Variants in PHF8 observed in about 807,000 individuals in gnomAD.
PHF8 encodes the protein PHD finger protein 8.
A neutral mutation model predicts 74.4 loss-of-function variants in PHF8; 9 were observed. The ratio of observed to expected loss-of-function variants is 0.12; its 90% CI spans 0.07 to 0.21. The LOEUF is 0.21. Among genes scored for constraint, PHF8 ranks in the 10% least tolerant of loss-of-function variants. The probability of loss-of-function intolerance (pLI) is 1.00; values close to 1 mark genes in which losing one functional copy is unlikely to be tolerated. For missense variants in PHF8, 478 were observed against 816.6 expected, an observed-to-expected ratio of 0.59 and a Z score of 5.05; for synonymous variants, 311 against 316.6, an observed-to-expected ratio of 0.98 and a Z score of 0.19.
At chrX:53,999,757 C>G (rs782142504) in intron 11 of PHF8, 113 bp downstream of exon 11, 1 of 515,443 alleles carries the variant, frequency 1.9e-6, no homozygotes, top group East Asian at 3.7e-5. Flanking sequence ...CCACTCTACA[C>G]CCAGGAGCCC....
At chrX:53,999,150 T>C (rs1175321051) in intron 11 of PHF8, among the ~76,000 whole-genome samples, 4 of 111,573 alleles carry the variant, frequency 3.6e-5, no homozygotes, top group African/African-American at 1.3e-4. Flanking sequence ...GGGTTTGAAA[T>C]GTATGGGTCC....
chrX:53,964,488 A>C (rs1013920857), intron 18 of PHF8, among the ~76,000 whole-genome samples: 3 of 111,866 alleles, frequency 2.7e-5, no homozygotes, highest in Non-Finnish European at 5.6e-5. Context: ...AACATGGAAG[A>C]TATTATGCTA....
At chrX:53,950,703 T>C (rs1326163726) in intron 19 of PHF8, among the ~76,000 whole-genome samples, 1 of 112,342 alleles carries the variant, frequency 8.9e-6, no homozygotes, top group Non-Finnish European at 1.9e-5. Context: ...AGTAGAGACA[T>C]CAGTGTGCAC....
chrX:54,041,388 T>TAAAAAAAAAAAAAAAAGAAAA (rs2066552122), intron 2 of PHF8, among the ~76,000 whole-genome samples: 1 of 43,524 alleles, frequency 2.3e-5, no homozygotes. Context: ...TTGTCTCAAA[T>TAAAAAAAAAAAAAAAAGAAAA]AAAAAAAAAA....
chrX:53,993,399 G>C (rs781890355), intron 13 of PHF8, among the ~76,000 whole-genome samples: 57 of 112,077 alleles, frequency 5.1e-4, no homozygotes, highest in Non-Finnish European at 9.9e-4. Context: ...TCAGCCTCTT[G>C]AGAGTCACAT....
intron 18 of PHF8, among the ~76,000 whole-genome samples, chrX:53,963,637 CTCA>C (rs1557091582): frequency 8.9e-6 from 1 of 112,136 alleles, no homozygotes; most frequent in African/African-American, 3.2e-5. Context: ...TGAAAAAATA[CTCA>C]TCATCACTGG....
chrX:53,975,032 C>G (rs782113376), intron 18 of PHF8, among the ~76,000 whole-genome samples: 22 of 111,618 alleles, frequency 2.0e-4, no homozygotes, highest in Non-Finnish European at 1.7e-4. Context: ...AACAAACCTG[C>G]ACATCCTGCA....
chrX:53,987,719 A>T, intron 15 of PHF8, 47 bp downstream of exon 15: 1 of 1,078,749 alleles, frequency 9.3e-7, no homozygotes, highest in African/African-American at 1.8e-5. Flanking sequence ...CAAAACAAAC[A>T]AACAAAAAAA....
chrX:54,047,212 G>A (rs1422272412), upstream of PHF8, among the ~76,000 whole-genome samples: 1 of 111,649 alleles, frequency 9.0e-6, no homozygotes, highest in East Asian at 2.8e-4. Context: ...AGATAATTTG[G>A]ATATTTTGGA....
chrX:54,037,596 C>T (rs2066486199), intron 2 of PHF8, among the ~76,000 whole-genome samples: 1 of 111,996 alleles, frequency 8.9e-6, no homozygotes, highest in African/African-American at 3.3e-5. Context: ...ATCACTACAG[C>T]ACCTGAAGAT....
At chrX:53,961,886 C>T (rs189759204) in intron 19 of PHF8, among the ~76,000 whole-genome samples, 3 of 111,750 alleles carry the variant, frequency 2.7e-5, no homozygotes, top group Admixed American at 1.9e-4. Context: ...TGTGACTTTG[C>T]AGTTCTCCTC....
At position 54,017,667 on chromosome X, in the gene PHF8, A is replaced by G. The variant is rs1283349759; in HGVS notation, c.448T>C (p.Tyr150His). Residue 150 changes from tyrosine to histidine, a missense_variant, in exon 5 of 22, where the codon TAT becomes CAT. Transcript: ENST00000338154. Reference protein sequence around the residue: ...PSFTVRDVEHYVGSDKEIDVI... With the variant: ...PSFTVRDVEHHVGSDKEIDVI... ...AGGGTCTGTAGTGTCTTACCAACAT[A>G]GTGTTCAACATCCCTCACAGTGAAT... 8.3e-7 allele frequency: 1 copy of G among 1,203,530 alleles called. No homozygotes were observed. The highest frequency in any genetic ancestry group is 2.2e-5 in the Admixed American group (1 of 45,726).
chrX:53,993,647 G>A lies in PHF8; in HGVS notation c.1580C>T (p.Thr527Ile), dbSNP rs1557101996. The A allele has an allele frequency of 1.3e-5, 16 of 1,209,950 alleles. No individual in the cohort carries two copies. Among genetic ancestry groups the A allele is most frequent in the Non-Finnish European group, 1.8e-5 (16 of 894,449 alleles). ...AGQLSYNLMDTYSHQALKTGS... is the reference protein window; with the variant it reads ...AGQLSYNLMDIYSHQALKTGS... ...TGTCTTCAGTGCCTGATGACTGTAT[G>A]TGTCCATGAGATTATAGCTCAACTG... The change falls in exon 13 of 22, where the codon ACA becomes ATA. Residue 527 changes from threonine (T) to isoleucine (I), a missense_variant. This residue lies in a region of PHF8 where 153 missense variants were observed against 164.8 expected (regional missense o/e 0.93). Coordinates refer to ENST00000338154, the MANE Select transcript of PHF8 (RefSeq NM_015107.3).
chrX:54,011,033 ACG>A, intron 8 of PHF8, 87 bp downstream of exon 8: 1 of 812,094 alleles, frequency 1.2e-6, no homozygotes, highest in Non-Finnish European at 1.9e-6. Context: ...AAGACATCCC[ACG>A]TAATCAGATT....
chrX:53,938,238 T>A lies in PHF8; in HGVS notation c.*920A>T. 5 of 1,047,791 alleles carry A rather than the reference T, an allele frequency of 4.8e-6. No individual in the cohort carries two copies. Among genetic ancestry groups the A allele is most frequent in the Non-Finnish European group, 4.9e-6 (4 of 818,628 alleles). The allele number at this position is 1,047,791 out of a possible 1,213,427, so 86.3% of individuals were successfully genotyped here. On this transcript the variant is annotated 3_prime_UTR_variant, in exon 22 of 22. Coordinates refer to ENST00000338154, the MANE Select transcript of PHF8 (RefSeq NM_015107.3). ...TGTGGTATAGGCGGAGCAAGCAGGC[T>A]GTAGGGCCAGGGTTATCTGCGTCAT...
intron 18 of PHF8, among the ~76,000 whole-genome samples, chrX:53,982,437 GAAT>G (rs782323877): frequency 1.9e-3 from 209 of 112,801 alleles, no homozygotes; most frequent in African/African-American, 6.3e-3. Flanking sequence ...TTATGGAACA[GAAT>G]AATATTAATA....
intron 12 of PHF8, among the ~76,000 whole-genome samples, chrX:53,994,404 G>T (rs2065715464): frequency 8.9e-6 from 1 of 112,582 alleles, no homozygotes; most frequent in Non-Finnish European, 1.9e-5. Context: ...GAGGAGCCCC[G>T]AGAATCGGGG....
intron 19 of PHF8, among the ~76,000 whole-genome samples, chrX:53,946,306 G>C (rs1557085151): frequency 8.9e-6 from 1 of 112,514 alleles, no homozygotes; most frequent in Admixed American, 9.4e-5. Context: ...CTAATAGTGA[G>C]AAAGCACAAC....
In PHF8 at chrX:53,993,532, C is replaced by T. The variant is rs2149839502; in HGVS notation, c.1626+69G>A. On this transcript the variant is annotated intron_variant, in intron 13 of 21. Transcript: ENST00000338154. ...CATGGCAGCCAGACAGGATAGCCTG[C>T]TTTTTGAAACCCTGCTCTTCCAAGG... 3 of 993,414 alleles carry T rather than the reference C, an allele frequency of 3.0e-6. No individual in the cohort carries two copies. The Admixed American group carries it at 6.7e-5, about 22-fold the overall frequency. The allele number at this position is 993,414 out of a possible 1,213,427, so 81.9% of individuals were successfully genotyped here.
Sources: gnomAD v4.1 joint callset for allele counts (sites outside exome capture counted in the v4.1 genomes callset) on GRCh38, gnomAD v4.1.1 for gene constraint, gnomAD v4.1.1 regional missense constraint, MANE v1.5 for transcripts, NCBI Gene and HGNC (gene_info 2026-07-23, HGNC 2026-07-21) for gene names.